The following GNG7 variants were observed in gnomAD, a reference collection of about 807,000 sequenced individuals.
GNG7 encodes guanine nucleotide-binding protein G(I)/G(S)/G(O) subunit gamma-7.
A neutral mutation model predicts 4.0 loss-of-function variants in GNG7; 1 was observed. The ratio of observed to expected loss-of-function variants is 0.25; its 90% CI spans 0.09 to 1.18. The LOEUF (loss-of-function observed/expected upper bound fraction) is 1.18, where lower values mean the gene tolerates loss of function less well. Among genes scored for constraint, GNG7 ranks in the 50% most tolerant of loss-of-function variants. The probability of loss-of-function intolerance (pLI) is 0.50; values close to 1 mark genes in which losing one functional copy is unlikely to be tolerated. For missense variants in GNG7, 86 were observed against 91.9 expected, an observed-to-expected ratio of 0.94 and a Z score of 0.26; for synonymous variants, 34 against 36.9, an observed-to-expected ratio of 0.92 and a Z score of 0.29.
At chr19:2,630,019 TTG>T (rs1012920270) in intron 2 of GNG7, among the ~76,000 whole-genome samples, 3 of 149,032 alleles carry the variant, frequency 2.0e-5, no homozygotes, top group African/African-American at 7.8e-5. Context: ...AAAATAAAGG[TTG>T]TTTTTTTTTT....
At position 2,609,612 on chromosome 19, in the gene GNG7, CA is replaced by C. The variant is rs556903116; in HGVS notation, c.-78+36611del. On this transcript the variant is annotated intron_variant, in intron 2 of 4. Coordinates refer to ENST00000382159, the MANE Select transcript of GNG7 (RefSeq NM_052847.3). This position sits in a 1 kb window ranked among gnomAD's most constrained non-coding sequence, Gnocchi z 4.4. ...GCGCACCACGTCCCGAGTGCCAGAG[CA>C]GACAGGGTCCCACCTGTTACCGTCT... Among the ~76,000 whole-genome samples the C allele has an allele frequency of 4.6e-5, 7 of 152,158 alleles. No homozygotes were observed. The highest frequency in any genetic ancestry group is 8.8e-5 in the Non-Finnish European group (6 of 68,036).
At chr19:2,679,088 C>T (rs1208398650) in intron 1 of GNG7, among the ~76,000 whole-genome samples, 1 of 152,120 alleles carries the variant, frequency 6.6e-6, no homozygotes, top group Non-Finnish European at 1.5e-5. Context: ...CTTGCTGTTG[C>T]CCAGGCTGGA....
chr19:2,653,417 C>G lies in GNG7; in HGVS notation c.-134-7137G>C, dbSNP rs1019200639. On this transcript the variant is annotated intron_variant, in intron 1 of 4. Coordinates refer to ENST00000382159, the MANE Select transcript of GNG7 (RefSeq NM_052847.3). This position sits in a 1 kb window ranked among gnomAD's most constrained non-coding sequence, Gnocchi z 4.8. Reference sequence around the variant, plus strand: ...CCTGCTGAGGTCCCAGGAGGCTGCACACATTGAAATCCACATCCTGAGTGG... The same window carrying G: ...CCTGCTGAGGTCCCAGGAGGCTGCAGACATTGAAATCCACATCCTGAGTGG... Among the ~76,000 whole-genome samples, 4 of 152,308 alleles carry G rather than the reference C, an allele frequency of 2.6e-5. No individual in the cohort carries two copies. The highest frequency in any genetic ancestry group is 3.9e-4 in the East Asian group (2 of 5,186).
Position 2,520,634 on chromosome 19 carries a change from T to A in GNG7, c.55A>T (p.Ile19Leu). The part of the protein sequence containing the change: ...QARKLVEQLR[I>L]EAGIERIKVS... ...TTGATGCGCTCAATCCCGGCTTCTA[T>A]GCGTAGCTGTTCCACCAGCTTCCGG... Residue 19 changes from isoleucine to leucine, a missense_variant, in exon 4 of 5, where the codon ATA (isoleucine) becomes TTA (leucine). Physicochemically the swap from Ile to Leu is conservative, Grantham distance 5 (BLOSUM62 2). Transcript: ENST00000382159. 6.4e-7 allele frequency: 1 copy of A among 1,552,074 alleles called. No individual in the cohort carries two copies. The highest frequency in any genetic ancestry group is 1.9e-5 in the Admixed American group (1 of 51,364).
rs1374623187 is a variant in GNG7 at position 2,663,712 on chromosome 19, G to A, written c.-134-17432C>T. ...GAGGGCAAATCAGAAGAATGACCAG[G>A]CCAAGAAAATGATTCATTTTGGCAT... On this transcript the variant is annotated intron_variant, in intron 1 of 4. Coordinates refer to ENST00000382159, the MANE Select transcript of GNG7 (RefSeq NM_052847.3). Among the ~76,000 whole-genome samples, 5 of 152,284 alleles carry A rather than the reference G, an allele frequency of 3.3e-5. No homozygotes were observed. In the East Asian group the frequency reaches 9.6e-4, roughly 29 times the overall value.
intron 2 of GNG7, among the ~76,000 whole-genome samples, chr19:2,623,933 G>A (rs1033583321): frequency 4.6e-5 from 7 of 152,100 alleles, no homozygotes; most frequent in Non-Finnish European, 7.4e-5. Context: ...CCCTAGAGCC[G>A]TCAGATTCAC....
intron 2 of GNG7, among the ~76,000 whole-genome samples, chr19:2,588,556 G>T (rs12609340): frequency 2.6e-4 from 40 of 152,064 alleles, no homozygotes; most frequent in African/African-American, 9.4e-4. Context: ...AGCTGGACGC[G>T]GGCCCCGTGG....
chr19:2,599,097 T>C (rs1981122267), intron 2 of GNG7, among the ~76,000 whole-genome samples: 1 of 152,160 alleles, frequency 6.6e-6, no homozygotes, highest in Non-Finnish European at 1.5e-5. Flanking sequence ...CGGGCTGTGC[T>C]ATTTGCTTGT....
In GNG7 at chr19:2,609,477, G is replaced by A. The variant is rs997374462; in HGVS notation, c.-78+36747C>T. On this transcript the variant is annotated intron_variant, in intron 2 of 4. Coordinates refer to ENST00000382159, the MANE Select transcript of GNG7 (RefSeq NM_052847.3). The surrounding 1 kb of genome is among the most constrained non-coding windows in gnomAD (Gnocchi z 4.4). ...CCGACAGGTCCGGGTAACAACTGCA[G>A]TTTAGCCGCTCACTTGCTGGAGGAC... Among the ~76,000 whole-genome samples the A allele has an allele frequency of 1.3e-5, 2 of 152,158 alleles. No homozygotes were observed. Among genetic ancestry groups the A allele is most frequent in the African/African-American group, 4.8e-5 (2 of 41,444 alleles).
intron 1 of GNG7, among the ~76,000 whole-genome samples, chr19:2,673,272 AC>A (rs199588843): frequency 0.057 from 7,924 of 139,932 alleles, 333 homozygotes; most frequent in African/African-American, 0.076. Context: ...AAAAAACAAA[AC>A]AAAACAAAAC....
chr19:2,564,887 TTA>T (rs200867169), intron 2 of GNG7, among the ~76,000 whole-genome samples: 95 of 29,188 alleles, frequency 3.3e-3, no homozygotes, highest in Non-Finnish European at 3.2e-3. Context: ...CATTGGTCAT[TTA>T]AAAAAAAAAA....
intron 2 of GNG7, among the ~76,000 whole-genome samples, chr19:2,602,245 G>A (rs1981221124): frequency 6.6e-6 from 1 of 152,118 alleles, no homozygotes; most frequent in South Asian, 2.1e-4. Context: ...GCTGAGACAG[G>A]AGGATTGCTT....
At chr19:2,597,627 T>C (rs1358440107) in intron 2 of GNG7, among the ~76,000 whole-genome samples, 1 of 150,664 alleles carries the variant, frequency 6.6e-6, no homozygotes, top group Admixed American at 6.7e-5. Context: ...CCGAGTGTGG[T>C]GGCTCACACC....
At chr19:2,678,452 G>A (rs1983649250) in intron 1 of GNG7, among the ~76,000 whole-genome samples, 1 of 152,190 alleles carries the variant, frequency 6.6e-6, no homozygotes, top group Non-Finnish European at 1.5e-5. Context: ...AAAAGCCACG[G>A]AATGCAAACT....
intron 2 of GNG7, among the ~76,000 whole-genome samples, chr19:2,566,139 C>G (rs1465453359): frequency 6.6e-6 from 1 of 151,930 alleles, no homozygotes; most frequent in Non-Finnish European, 1.5e-5. Context: ...GCCTGGGCGA[C>G]AGAGCCAGAC....
chr19:2,597,045 G>A (rs1445442161), intron 2 of GNG7, among the ~76,000 whole-genome samples: 1 of 151,842 alleles, frequency 6.6e-6, no homozygotes, highest in African/African-American at 2.4e-5. Context: ...GATCACTTGA[G>A]GCCAGGAGTT....
rs1319251182 is a variant in GNG7 at position 2,558,620 on chromosome 19, G to A, written c.-77-3432C>T. 3.3e-5 allele frequency among the ~76,000 whole-genome samples: 5 copies of A among 151,370 alleles called. No homozygotes were observed. The East Asian group carries it at 9.7e-4, about 29-fold the overall frequency. On this transcript the variant is annotated intron_variant, in intron 2 of 4. Coordinates refer to ENST00000382159, the MANE Select transcript of GNG7 (RefSeq NM_052847.3). ...AAGAGAGTGTGTGTAGATGTCTGGG[G>A]AAAGGATAAAGTGCTGGGATTGTGG...
At chr19:2,587,398 C>T (rs989708917) in intron 2 of GNG7, among the ~76,000 whole-genome samples, 1 of 152,116 alleles carries the variant, frequency 6.6e-6, no homozygotes, top group Admixed American at 6.6e-5. Flanking sequence ...GAGGGCTCCC[C>T]GGGCACAATG....
intron 1 of GNG7, among the ~76,000 whole-genome samples, chr19:2,664,841 G>A (rs942588885): frequency 6.6e-6 from 1 of 152,184 alleles, no homozygotes; most frequent in Non-Finnish European, 1.5e-5. Flanking sequence ...GTGCTGAGCA[G>A]TGTCCCTGGC....
Sources: allele counts gnomAD v4.1 joint callset (sites outside exome capture counted in the v4.1 genomes callset), GRCh38; gene constraint gnomAD v4.1.1; non-coding constraint Gnocchi (gnomAD v3.1); transcripts MANE v1.5; gene names NCBI Gene and HGNC (gene_info 2026-07-23, HGNC 2026-07-21).